Variants in GRM7 observed in about 807,000 individuals in gnomAD.
GRM7 encodes the protein metabotropic glutamate receptor 7.
In GRM7, 35 loss-of-function variants were observed where a neutral mutation model predicts 84.5. The observed-to-expected ratio is 0.41, with a 90% CI of 0.32 to 0.55. GRM7 has a LOEUF of 0.55. Ranked by LOEUF, GRM7 falls within the 20% of genes least tolerant of loss-of-function variation. The pLI is 0.19. For synonymous variants in GRM7, 487 were observed against 455.1 expected (o/e 1.07, Z -0.89); for missense variants, 1,003 against 1,194.6 (o/e 0.84, Z 2.36).
intron 9 of GRM7, among the ~76,000 whole-genome samples, chr3:7,728,921 T>A (rs1559509034): frequency 6.6e-6 from 1 of 152,216 alleles, no homozygotes; most frequent in Non-Finnish European, 1.5e-5. Flanking sequence ...GTGCTAATTA[T>A]TCCATCAATT....
chr3:7,530,590 T>C (rs1318754837), intron 7 of GRM7, among the ~76,000 whole-genome samples: 2 of 152,172 alleles, frequency 1.3e-5, no homozygotes, highest in African/African-American at 4.8e-5. Flanking sequence ...TTTCTCCACA[T>C]TCTCTCCAGC....
intron 3 of GRM7, among the ~76,000 whole-genome samples, chr3:7,304,190 C>G (rs1369801380): frequency 6.6e-6 from 1 of 151,826 alleles, no homozygotes; most frequent in African/African-American, 2.4e-5. Flanking sequence ...TCTAATAGAG[C>G]TACTGAACAA....
intron 1 of GRM7, among the ~76,000 whole-genome samples, chr3:7,120,396 A>G (rs774125881): frequency 2.0e-5 from 3 of 152,116 alleles, no homozygotes; most frequent in African/African-American, 4.8e-5. Context: ...ACTCTCTATC[A>G]TAAGTACTGC....
At chr3:7,150,306 T>C (rs1467248708) in intron 2 of GRM7, among the ~76,000 whole-genome samples, 3 of 152,134 alleles carry the variant, frequency 2.0e-5, no homozygotes, top group Non-Finnish European at 4.4e-5. Flanking sequence ...AGGCTACTTA[T>C]AAACCAGAGC....
chr3:7,567,771 A>AG (rs1694385825), intron 7 of GRM7, among the ~76,000 whole-genome samples: 1 of 135,016 alleles, frequency 7.4e-6, no homozygotes, highest in Non-Finnish European at 1.6e-5. Context: ...AAAAAAAAAA[A>AG]AAAAAAAAAA....
chr3:7,668,203 C>T (rs1699777238), intron 8 of GRM7, among the ~76,000 whole-genome samples: 1 of 152,120 alleles, frequency 6.6e-6, no homozygotes, highest in South Asian at 2.1e-4. Context: ...AAGTGTGTGC[C>T]CTGGGAGCCT....
intron 1 of GRM7, among the ~76,000 whole-genome samples, chr3:7,037,341 G>T (rs554626846): frequency 6.6e-6 from 1 of 152,262 alleles, no homozygotes; most frequent in South Asian, 2.1e-4. Flanking sequence ...AAAGAATCAG[G>T]ATGCTAGATT....
At chr3:7,237,479 A>T (rs1445134803) in intron 2 of GRM7, among the ~76,000 whole-genome samples, 3 of 152,016 alleles carry the variant, frequency 2.0e-5, no homozygotes, top group Non-Finnish European at 4.4e-5. Context: ...GACTTCAAGC[A>T]TGAAGCCGTG....
chr3:7,398,549 A>G (rs1013649631), intron 4 of GRM7, among the ~76,000 whole-genome samples: 1 of 152,046 alleles, frequency 6.6e-6, no homozygotes, highest in African/African-American at 2.4e-5. Context: ...TAGCCTACGT[A>G]TGGAAAAATT....
intron 2 of GRM7, among the ~76,000 whole-genome samples, chr3:7,194,117 A>T (rs995168218): frequency 6.6e-6 from 1 of 152,126 alleles, no homozygotes; most frequent in African/African-American, 2.4e-5. Flanking sequence ...GAAAAAAAAT[A>T]TTGTATAAAA....
At chr3:6,949,551 G>A (rs1285407580) in intron 1 of GRM7, among the ~76,000 whole-genome samples, 3 of 151,784 alleles carry the variant, frequency 2.0e-5, no homozygotes, top group Non-Finnish European at 2.9e-5. Context: ...TGCTCTTCTC[G>A]AGGAGTATCT....
At chr3:6,975,010 G>A (rs1323345750) in intron 1 of GRM7, among the ~76,000 whole-genome samples, 1 of 152,138 alleles carries the variant, frequency 6.6e-6, no homozygotes, top group Non-Finnish European at 1.5e-5. Flanking sequence ...AGACTGGGCA[G>A]TTTTAGCAGA....
chr3:7,119,394 C>G (rs1173242856), intron 1 of GRM7, among the ~76,000 whole-genome samples: 2 of 152,014 alleles, frequency 1.3e-5, no homozygotes, highest in Non-Finnish European at 2.9e-5. Flanking sequence ...TCTATTCTTG[C>G]TAGGTCATTG....
chr3:7,029,999 T>C (rs1696131928), intron 1 of GRM7, among the ~76,000 whole-genome samples: 1 of 152,208 alleles, frequency 6.6e-6, no homozygotes, highest in Non-Finnish European at 1.5e-5. Flanking sequence ...CAAATGTTCA[T>C]AGCAGTTTTA....
intron 2 of GRM7, among the ~76,000 whole-genome samples, chr3:7,260,546 C>T (rs1382106837): frequency 1.3e-5 from 2 of 152,046 alleles, no homozygotes; most frequent in East Asian, 1.9e-4. Context: ...TCAGTAGTAA[C>T]GTCCCCTTTG....
At chr3:6,894,089 AT>A (rs1412553545) in intron 1 of GRM7, 13 of 152,158 alleles carry the variant, frequency 8.5e-5, no homozygotes, top group Non-Finnish European at 1.5e-5. Context: ...ACCACTATAC[AT>A]TCCATGGTGA....
rs562315820 is a variant in GRM7, at chr3:6,869,542, A to G, written c.519+7635A>G. 4.4e-5 allele frequency among the ~76,000 whole-genome samples: 5 copies of G among 113,304 alleles called. No individual in the cohort carries two copies. In the South Asian group the frequency reaches 1.2e-3, roughly 28 times the overall value. The allele number at this position is 113,304 out of a possible 152,430, so 74.3% of individuals were successfully genotyped here. On this transcript the variant is annotated intron_variant, in intron 1 of 9. Coordinates refer to ENST00000357716, the MANE Select transcript of GRM7 (RefSeq NM_000844.4). ...TTCTCTGTTTCTTCTGCTGAATTGA[A>G]AATTTACATACATATGTATAATTTA... is the stretch of plus-strand genomic sequence containing the variant.
intron 5 of GRM7, among the ~76,000 whole-genome samples, chr3:7,432,634 T>A (rs889522096): frequency 4.0e-4 from 59 of 145,762 alleles, no homozygotes; most frequent in Non-Finnish European, 2.3e-4. Flanking sequence ...GCATCTAGTT[T>A]AAAAAAAAAA....
rs1054442783 is a variant in GRM7 at position 7,265,386 on chromosome 3, C to A, written c.737-33298C>A. On this transcript the variant is annotated intron_variant, in intron 2 of 9. Transcript: ENST00000357716. ...TTATTCATTATAATTCATAATAATT[C>A]TCTAAGTTGGATAATATTATTATCC... is the stretch of plus-strand genomic sequence containing the variant. 3.7e-4 allele frequency among the ~76,000 whole-genome samples: 56 copies of A among 152,154 alleles called. 1 individual carries two copies. The highest frequency in any genetic ancestry group is 1.0e-4 in the Non-Finnish European group (7 of 68,040).
Sources: gnomAD v4.1 joint callset for allele counts (sites outside exome capture counted in the v4.1 genomes callset) on GRCh38, gnomAD v4.1.1 for gene constraint, MANE v1.5 for transcripts, NCBI Gene and HGNC (gene_info 2026-07-23, HGNC 2026-07-21) for gene names.